The following ZNF469 variants were observed in gnomAD, a reference collection of about 807,000 sequenced individuals.
ZNF469 encodes zinc finger protein 469.
Under a neutral mutation model 1.0 loss-of-function variants are expected in ZNF469, and 1 was observed. That is an observed-to-expected ratio of 1.00 (90% CI 0.35 to 4.73). ZNF469 has a LOEUF of 4.73. Among genes scored for constraint, ZNF469 ranks in the 30% most tolerant of loss-of-function variants. The pLI is 0.16. For synonymous variants in ZNF469, 2,703 were observed against 2,363.4 expected (o/e 1.14, Z -4.17); for missense variants, 6,100 against 5,356.3 (o/e 1.14, Z -4.33).
upstream of ZNF469, among the ~76,000 whole-genome samples, chr16:88,381,150 TCACA>T (rs368929813): frequency 1.2e-3 from 57 of 49,180 alleles, 2 homozygotes; most frequent in African/African-American, 4.6e-3. Context: ...ACACACACAC[TCACA>T]CACAGACACG....
At chr16:88,157,624 G>T in the ZNF469 span, among the ~76,000 whole-genome samples, 2 of 151,982 alleles carry the variant, frequency 1.3e-5, no homozygotes, top group African/African-American at 2.4e-5. Context: ...TCAGGGGCTG[G>T]AAGTGCCATA....
chr16:88,349,742 C>G, the ZNF469 span, among the ~76,000 whole-genome samples: 2 of 148,372 alleles, frequency 1.3e-5, no homozygotes, highest in Non-Finnish European at 3.0e-5. Flanking sequence ...ACACCACACA[C>G]AAGTGCACAC....
the ZNF469 span, among the ~76,000 whole-genome samples, chr16:88,363,355 C>T: frequency 6.6e-6 from 1 of 152,128 alleles, no homozygotes; most frequent in African/African-American, 2.4e-5. Context: ...TGCTGTGTGC[C>T]TCCAAAGAGT....
At chr16:88,211,746 A>T in the ZNF469 span, among the ~76,000 whole-genome samples, 3 of 151,964 alleles carry the variant, frequency 2.0e-5, no homozygotes, top group Non-Finnish European at 4.4e-5. Flanking sequence ...AGCTGCTGTG[A>T]TCTCCACAAA....
At chr16:88,345,191 C>T in the ZNF469 span, among the ~76,000 whole-genome samples, 5 of 152,208 alleles carry the variant, frequency 3.3e-5, no homozygotes, top group Non-Finnish European at 7.3e-5. Flanking sequence ...AGGCCAGATG[C>T]TCCATTTCCA....
chr16:88,241,248 A>G, the ZNF469 span, among the ~76,000 whole-genome samples: 1 of 151,842 alleles, frequency 6.6e-6, no homozygotes, highest in African/African-American at 2.4e-5. This position sits in a 1 kb window ranked among gnomAD's most constrained non-coding sequence, Gnocchi z 4.8. Context: ...AATCCCAGCT[A>G]CTTAGGAGGT....
the ZNF469 span, among the ~76,000 whole-genome samples, chr16:88,184,582 C>T: frequency 6.6e-6 from 1 of 151,926 alleles, no homozygotes; most frequent in African/African-American, 2.4e-5. Context: ...ACGCCCGCGC[C>T]ACCTTCCCGT....
At chr16:88,420,168 C>T (rs1038261469) in intron 1 of ZNF469, among the ~76,000 whole-genome samples, 2 of 152,244 alleles carry the variant, frequency 1.3e-5, no homozygotes, top group South Asian at 2.1e-4. Flanking sequence ...AGCTCCCCCT[C>T]GCCTGGAACC....
chr16:88,291,335 C>T, the ZNF469 span, among the ~76,000 whole-genome samples: 1 of 152,168 alleles, frequency 6.6e-6, no homozygotes, highest in African/African-American at 2.4e-5. Flanking sequence ...TTGTTTGATG[C>T]ATGAAGGGCA....
intron 1 of ZNF469, among the ~76,000 whole-genome samples, chr16:88,409,068 C>G (rs1439265670): frequency 6.6e-6 from 1 of 152,174 alleles, no homozygotes; most frequent in East Asian, 1.9e-4. Flanking sequence ...GCTGGGCCTG[C>G]AAGGAAGCTT....
the ZNF469 span, among the ~76,000 whole-genome samples, chr16:88,210,891 A>G: frequency 6.6e-6 from 1 of 152,218 alleles, no homozygotes; most frequent in Admixed American, 6.5e-5. Context: ...CACTGTGCTA[A>G]CGTGTTTATT....
chr16:88,395,225 GGGTGGATGGGTAGATGGATGGATGGA>G (rs1252082069), intron 1 of ZNF469, among the ~76,000 whole-genome samples: 4 of 144,240 alleles, frequency 2.8e-5, no homozygotes, highest in Admixed American at 6.9e-5. Flanking sequence ...GTGGATGGAT[GGGTGGATGGGTAGATGGATGGATGGA>G]TGGATGGATG....
the ZNF469 span, among the ~76,000 whole-genome samples, chr16:88,341,613 C>T: frequency 5.3e-5 from 8 of 152,208 alleles, no homozygotes; most frequent in East Asian, 1.9e-4. Flanking sequence ...ACAGCTGGGA[C>T]GGAGCCAGGG....
At chr16:88,248,801 G>C in the ZNF469 span, among the ~76,000 whole-genome samples, 1 of 152,328 alleles carries the variant, frequency 6.6e-6, no homozygotes, top group Admixed American at 6.5e-5. Flanking sequence ...GCCAGTAGTA[G>C]CAGAGCGGGG....
chr16:88,147,181 C>G, the ZNF469 span, among the ~76,000 whole-genome samples: 1 of 151,958 alleles, frequency 6.6e-6, no homozygotes, highest in Non-Finnish European at 1.5e-5. Context: ...GGAGCTGCCA[C>G]GCAGCTGGCT....
chr16:88,200,215 A>G, the ZNF469 span, among the ~76,000 whole-genome samples: 1 of 152,036 alleles, frequency 6.6e-6, no homozygotes, highest in Non-Finnish European at 1.5e-5. Flanking sequence ...ATTTGGGGAG[A>G]AGTTAAAGGC....
At chr16:88,244,769 G>A in the ZNF469 span, among the ~76,000 whole-genome samples, 5,030 of 121,680 alleles carry the variant, frequency 0.041, 616 homozygotes, top group African/African-American at 0.2. Flanking sequence ...GTATGGCTGG[G>A]TAAGCATAAA....
the ZNF469 span, among the ~76,000 whole-genome samples, chr16:88,136,827 G>A: frequency 1.3e-5 from 2 of 152,234 alleles, no homozygotes; most frequent in Non-Finnish European, 2.9e-5. Flanking sequence ...GAGAGCTCAG[G>A]TCGGTGCAGT....
the ZNF469 span, among the ~76,000 whole-genome samples, chr16:88,272,070 G>C: frequency 6.6e-6 from 1 of 151,986 alleles, no homozygotes; most frequent in African/African-American, 2.4e-5. Flanking sequence ...TGGGTAGATG[G>C]ATAGATAAAT....
Sources: allele counts gnomAD v4.1 joint callset (sites outside exome capture counted in the v4.1 genomes callset), GRCh38; gene constraint gnomAD v4.1.1; non-coding constraint Gnocchi (gnomAD v3.1); transcripts MANE v1.5; gene names NCBI Gene and HGNC (gene_info 2026-07-23, HGNC 2026-07-21).